The following CDC16 variants were observed in gnomAD, a reference collection of about 807,000 sequenced individuals.
The protein encoded by CDC16 is cell division cycle 16.
CDC16 carries 34 observed loss-of-function variants against 87.0 expected under a neutral mutation model. The observed-to-expected ratio is 0.39, with a 90% CI of 0.30 to 0.52. The LOEUF (loss-of-function observed/expected upper bound fraction) is 0.52, where lower values mean the gene tolerates loss of function less well. Ranked by LOEUF, CDC16 falls within the 20% of genes least tolerant of loss-of-function variation. The probability of loss-of-function intolerance (pLI) is 0.74; values close to 1 mark genes in which losing one functional copy is unlikely to be tolerated. For synonymous variants in CDC16, 263 were observed against 260.6 expected, an observed-to-expected ratio of 1.01 and a Z score of -0.09; for missense variants, 653 against 751.9, an observed-to-expected ratio of 0.87 and a Z score of 1.54.
intron 3 of CDC16, among the ~76,000 whole-genome samples, chr13:114,238,342 G>A (rs965231296): frequency 1.4e-5 from 2 of 146,078 alleles, no homozygotes; most frequent in Admixed American, 1.4e-4. Context: ...GAGCTGCTGC[G>A]ATCTCCTCGG....
At chr13:114,237,427 C>G (rs1185433583) in intron 3 of CDC16, among the ~76,000 whole-genome samples, 1 of 151,966 alleles carries the variant, frequency 6.6e-6, no homozygotes, top group African/African-American at 2.4e-5. Flanking sequence ...ATAGCTGGGA[C>G]TACAGGTGCA....
At chr13:114,267,110 C>G (rs1360847989) in intron 17 of CDC16, among the ~76,000 whole-genome samples, 4 of 152,176 alleles carry the variant, frequency 2.6e-5, no homozygotes, top group Admixed American at 2.0e-4. Flanking sequence ...TGCTTTAAAA[C>G]ATTCAGGCAA....
intron 8 of CDC16, 87 bp downstream of exon 8, chr13:114,244,076 C>A: frequency 1.1e-6 from 1 of 894,706 alleles, no homozygotes; most frequent in Non-Finnish European, 1.7e-6. Flanking sequence ...TCTGAATAAT[C>A]TTGAACTAGA....
intron 3 of CDC16, 128 bp from the exon 4 acceptor site, chr13:114,238,862 T>G: frequency 8.0e-7 from 1 of 1,257,064 alleles, no homozygotes. Context: ...GGACTGGATT[T>G]TTTTTTTAAC....
intron 14 of CDC16, 92 bp downstream of exon 14, chr13:114,259,490 G>T (rs541459415): frequency 1.0e-5 from 7 of 673,984 alleles, no homozygotes; most frequent in African/African-American, 1.9e-5. Context: ...TCTTGCCTTC[G>T]AAGATAGTAA....
chr13:114,250,194 A>C (rs1284725923), intron 11 of CDC16, among the ~76,000 whole-genome samples: 1 of 152,078 alleles, frequency 6.6e-6, no homozygotes, highest in Non-Finnish European at 1.5e-5. Flanking sequence ...GTCTCTAAAA[A>C]TAAAAAATAA....
At chr13:114,236,444 T>C (rs919322790) in intron 1 of CDC16, among the ~76,000 whole-genome samples, 7 of 152,326 alleles carry the variant, frequency 4.6e-5, no homozygotes, top group Non-Finnish European at 1.0e-4. Context: ...ATTACAGGAA[T>C]GTTTGTATTG....
chr13:114,241,876 TTGTC>T (rs1347204030), intron 5 of CDC16, among the ~76,000 whole-genome samples: 2 of 152,068 alleles, frequency 1.3e-5, no homozygotes, highest in Admixed American at 6.6e-5. Flanking sequence ...CATAGCAAGA[TTGTC>T]TGTACAAAAA....
intron 1 of CDC16, among the ~76,000 whole-genome samples, chr13:114,235,589 C>T (rs1265052022): frequency 1.3e-5 from 2 of 152,218 alleles, no homozygotes; most frequent in Admixed American, 6.5e-5. Context: ...TTCTCGTTAA[C>T]TATGTCTGTG....
chr13:114,244,968 T>TGA lies in CDC16; in HGVS notation c.847_847+1insAG (p.Leu284AsnfsTer56). 6.5e-7 allele frequency: 1 copy of TGA among 1,544,462 alleles called. No individual in the cohort carries two copies. Among genetic ancestry groups the TGA allele is most frequent in the Non-Finnish European group, 8.9e-7 (1 of 1,128,712 alleles). ...CGCTTGTAGAGCTGAATAAAGCCAA[T>TGA]GGTAAGACTTTTTTTTAAATTAAAG... On this transcript the variant is annotated frameshift_variant and splice_region_variant, in exon 9 of 18. Transcript: ENST00000356221. LOFTEE classifies it high-confidence loss of function.
intron 14 of CDC16, among the ~76,000 whole-genome samples, chr13:114,260,647 T>A (rs903104039): frequency 6.6e-6 from 1 of 152,220 alleles, no homozygotes; most frequent in African/African-American, 2.4e-5. Context: ...TTAATGGTTT[T>A]AAGTATGAAA....
chr13:114,268,101 T>C (rs776028541), intron 17 of CDC16, among the ~76,000 whole-genome samples: 10 of 152,132 alleles, frequency 6.6e-5, no homozygotes, highest in Non-Finnish European at 1.2e-4. Context: ...GCTTAGATGC[T>C]GTCCACCAAG....
Position 114,242,234 on chromosome 13 carries a change from A to G in CDC16, c.495A>G (p.Glu165=). 1 of 1,614,184 alleles carries G rather than the reference A, an allele frequency of 6.2e-7. No individual in the cohort carries two copies. The highest frequency in any genetic ancestry group is 8.5e-7 in the Non-Finnish European group (1 of 1,180,012). ...TGAAGCTTGATGTCTACTGTTTTGA[A>G]GCGTTCGATCTTTTAACATCACATC... ...EALKLDVYCF[E]AFDLLTSHHM... The change falls in exon 6 of 18, where the codon GAA becomes GAG. Residue 165 remains glutamate, a synonymous_variant. Transcript: ENST00000356221.
Position 114,235,133 on chromosome 13 carries a change from G to A in CDC16, c.48+1G>A. The stretch of plus-strand genomic sequence containing the variant: ...GCGCGTCCGGCAGTACCTCGACCAG[G>A]TGGGCGGCCCCGACTCGGGGTGCGG... On this transcript the variant is annotated splice_donor_variant, in intron 1 of 17. Transcript: ENST00000356221. LOFTEE classifies it high-confidence loss of function. The A allele has an allele frequency of 1.6e-6, 2 of 1,244,530 alleles. No homozygotes were observed. Among genetic ancestry groups the A allele is most frequent in the Non-Finnish European group, 2.0e-6 (2 of 994,302 alleles). The allele number at this position is 1,244,530 out of a possible 1,614,324, so 77.1% of individuals were successfully genotyped here.
At chr13:114,257,561 G>C (rs17338138) in intron 13 of CDC16, among the ~76,000 whole-genome samples, 4 of 152,164 alleles carry the variant, frequency 2.6e-5, no homozygotes, top group Admixed American at 6.5e-5. Flanking sequence ...TTGAATTTAC[G>C]TATTTGAGAA....
rs1299549127 is a variant in CDC16, at chr13:114,244,972, A to G, written c.847+3A>G. On this transcript the variant is annotated splice_donor_region_variant and intron_variant, in intron 9 of 17. Transcript: ENST00000356221. ...TGTAGAGCTGAATAAAGCCAATGGT[A>G]AGACTTTTTTTTAAATTAAAGTAAT... 6.5e-7 allele frequency: 1 copy of G among 1,536,754 alleles called. No individual in the cohort carries two copies. The highest frequency in any genetic ancestry group is 8.9e-7 in the Non-Finnish European group (1 of 1,122,546).
rs759416492 is a variant in CDC16, at chr13:114,263,005, C to T, written c.1503C>T (p.Tyr501=). The T allele has an allele frequency of 6.2e-7, 1 of 1,612,720 alleles. No individual in the cohort carries two copies. Among genetic ancestry groups the T allele is most frequent in the South Asian group, 1.1e-5 (1 of 91,052 alleles). Residue 501 remains tyrosine (Y), a synonymous_variant, in exon 16 of 18, where the codon TAC becomes TAT. Transcript: ENST00000356221. ...LMGNFENAVD[Y]FHTALGLRRD... is the part of the protein sequence containing the mutation. Reference sequence around the variant, plus strand: ...GCAACTTTGAAAATGCTGTGGACTACTTCCACACAGTATGTCTTTTCTTTG... The same window carrying T: ...GCAACTTTGAAAATGCTGTGGACTATTTCCACACAGTATGTCTTTTCTTTG...
intron 16 of CDC16, among the ~76,000 whole-genome samples, chr13:114,264,558 CA>C (rs1425350344): frequency 2.7e-5 from 4 of 146,582 alleles, no homozygotes; most frequent in Admixed American, 2.7e-4. Context: ...GACTCTGTCT[CA>C]AAAAAAAAGG....
intron 15 of CDC16, 147 bp from the exon 16 acceptor site, chr13:114,262,732 G>A (rs1046646688): frequency 1.3e-6 from 1 of 751,132 alleles, no homozygotes; most frequent in Non-Finnish European, 2.2e-6. Context: ...TGAGATGCAT[G>A]AGAGTAGGTG....
Sources: allele counts gnomAD v4.1 joint callset (sites outside exome capture counted in the v4.1 genomes callset), GRCh38; gene constraint gnomAD v4.1.1; transcripts MANE v1.5; gene names NCBI Gene and HGNC (gene_info 2026-07-23, HGNC 2026-07-21).